Variants in NEURL1B observed in about 807,000 individuals in gnomAD.
NEURL1B encodes neuralized E3 ubiquitin protein ligase 1B, also known as E3 ubiquitin-protein ligase NEURL1B.
A neutral mutation model predicts 37.4 loss-of-function variants in NEURL1B; 13 were observed. The observed-to-expected ratio is 0.35, with a 90% CI of 0.23 to 0.55. The LOEUF (loss-of-function observed/expected upper bound fraction) is 0.55, where lower values mean the gene tolerates loss of function less well. NEURL1B is among the 20% of genes least tolerant of loss of function. The pLI is 0.89. For synonymous variants in NEURL1B, 432 were observed against 426.6 expected (o/e 1.01, Z -0.16); for missense variants, 790 against 879.2 (o/e 0.90, Z 1.28).
intron 2 of NEURL1B, among the ~76,000 whole-genome samples, chr5:172,678,774 C>T (rs767124700): frequency 6.6e-6 from 1 of 152,212 alleles, no homozygotes; most frequent in Non-Finnish European, 1.5e-5. Flanking sequence ...GTACATGGCC[C>T]GAGTCAGTCC....
Position 172,665,757 on chromosome 5 carries a change from C to T in NEURL1B, c.32-4028C>T, listed in dbSNP as rs1434789189. Among the ~76,000 whole-genome samples, 3 of 151,722 alleles carry T rather than the reference C, an allele frequency of 2.0e-5. No homozygotes were observed. Among genetic ancestry groups the T allele is most frequent in the African/African-American group, 7.3e-5 (3 of 41,262 alleles). ...TTCCCCTCTGCTCCCTCTCCTCCCT[C>T]GAGACCTGGCTCAGTGGGCATCCCA... On this transcript the variant is annotated intron_variant, in intron 1 of 4. Coordinates refer to ENST00000369800, the MANE Select transcript of NEURL1B (RefSeq NM_001142651.3). This position sits in a 1 kb window ranked among gnomAD's most constrained non-coding sequence, Gnocchi z 4.1.
intron 1 of NEURL1B, among the ~76,000 whole-genome samples, chr5:172,642,890 G>T (rs1190282552): frequency 5.3e-5 from 8 of 152,244 alleles, no homozygotes; most frequent in Admixed American, 4.6e-4. Context: ...ATCTGGGGAT[G>T]TTGGCAAATA....
At chr5:172,685,099 T>C (rs960933263) in intron 3 of NEURL1B, among the ~76,000 whole-genome samples, 1 of 152,260 alleles carries the variant, frequency 6.6e-6, no homozygotes, top group Non-Finnish European at 1.5e-5. Context: ...TTGAAGATGC[T>C]GGACAAATCA....
intron 1 of NEURL1B, among the ~76,000 whole-genome samples, chr5:172,643,558 G>A (rs1284216950): frequency 6.6e-6 from 1 of 152,174 alleles, no homozygotes; most frequent in African/African-American, 2.4e-5. Context: ...GTCACTGCCT[G>A]TCTCTGTGAC....
intron 2 of NEURL1B, among the ~76,000 whole-genome samples, chr5:172,680,182 C>A (rs1758321206): frequency 6.6e-6 from 1 of 152,184 alleles, no homozygotes; most frequent in Non-Finnish European, 1.5e-5. Flanking sequence ...CTCTTCATGA[C>A]AGTAATTTCC....
chr5:172,679,514 A>G (rs1464873783), intron 2 of NEURL1B, among the ~76,000 whole-genome samples: 2 of 152,218 alleles, frequency 1.3e-5, no homozygotes, highest in Non-Finnish European at 2.9e-5. Context: ...CTTAGAAGAA[A>G]TGCCCCTTTG....
intron 1 of NEURL1B, among the ~76,000 whole-genome samples, chr5:172,660,899 G>A (rs765244697): frequency 9.9e-5 from 15 of 152,204 alleles, no homozygotes; most frequent in Non-Finnish European, 1.5e-4. Flanking sequence ...ACAAAGTGCC[G>A]AGATTACAGG....
At position 172,647,246 on chromosome 5, in the gene NEURL1B, G is replaced by A. The variant is rs1382216802; in HGVS notation, c.31+5809G>A. The stretch of plus-strand genomic sequence containing the variant: ...GTGTGGTTAGAGCTTAGAGCAGAGA[G>A]GGAAGAGGGAGGGCGCCAGGTCGCA... On this transcript the variant is annotated intron_variant, in intron 1 of 4. Coordinates refer to ENST00000369800, the MANE Select transcript of NEURL1B (RefSeq NM_001142651.3). The surrounding 1 kb of genome is among the most constrained non-coding windows in gnomAD (Gnocchi z 4.2). 6.6e-6 allele frequency among the ~76,000 whole-genome samples: 1 copy of A among 152,148 alleles called. No homozygotes were observed. Among genetic ancestry groups the A allele is most frequent in the Non-Finnish European group, 1.5e-5 (1 of 68,012 alleles).
Position 172,687,085 on chromosome 5 carries a change from C to A in NEURL1B, c.*160C>A. On this transcript the variant is annotated 3_prime_UTR_variant, in exon 5 of 5. Transcript: ENST00000369800. The stretch of plus-strand genomic sequence containing the variant: ...TGGAGCGAGGCCCACAGGGCCTCAG[C>A]CCAGGCAGGGGTTGCTTCTGGCTCC... 1 of 860,040 alleles carries A rather than the reference C, an allele frequency of 1.2e-6. No homozygotes were observed. The highest frequency in any genetic ancestry group is 1.7e-6 in the Non-Finnish European group (1 of 577,532). The allele number at this position is 860,040 out of a possible 1,614,324, so 53.3% of individuals were successfully genotyped here. A position where few individuals can be genotyped will look rare whatever the true frequency, so the allele number is the denominator to read the frequency against.
intron 1 of NEURL1B, among the ~76,000 whole-genome samples, chr5:172,669,454 AT>A (rs2113303427): frequency 6.6e-6 from 1 of 151,988 alleles, no homozygotes; most frequent in South Asian, 2.1e-4. Context: ...GAGGGATTTG[AT>A]GGGGATGGAG....
At position 172,651,188 on chromosome 5, in the gene NEURL1B, A is replaced by G. The variant is rs1431519118; in HGVS notation, c.31+9751A>G. On this transcript the variant is annotated intron_variant, in intron 1 of 4. Coordinates refer to ENST00000369800, the MANE Select transcript of NEURL1B (RefSeq NM_001142651.3). ...GTATTTCCTTACAGCTTTCTTTTCA[A>G]ACTTTTTTTAACATGTCTTGGCTTA... Among the ~76,000 whole-genome samples, 8 of 152,218 alleles carry G rather than the reference A, an allele frequency of 5.3e-5. No homozygotes were observed. In the East Asian group the frequency reaches 1.5e-3, roughly 29 times the overall value.
intron 2 of NEURL1B, among the ~76,000 whole-genome samples, chr5:172,679,393 G>A (rs1467209284): frequency 6.6e-6 from 1 of 152,276 alleles, no homozygotes; most frequent in Non-Finnish European, 1.5e-5. Context: ...GCTCGAGAAC[G>A]TGGTTATGTG....
At chr5:172,671,748 G>A (rs1219135179) in intron 2 of NEURL1B, among the ~76,000 whole-genome samples, 1 of 152,234 alleles carries the variant, frequency 6.6e-6, no homozygotes, top group Non-Finnish European at 1.5e-5. Context: ...CATTTTGTGG[G>A]AAAACCCTGG....
chr5:172,655,931 A>G (rs1757768250), intron 1 of NEURL1B, among the ~76,000 whole-genome samples: 1 of 152,198 alleles, frequency 6.6e-6, no homozygotes, highest in African/African-American at 2.4e-5. Context: ...CAAAAGGAAT[A>G]GCACTCAAAT....
intron 2 of NEURL1B, among the ~76,000 whole-genome samples, chr5:172,677,266 G>C (rs965492238): frequency 6.6e-6 from 1 of 152,200 alleles, no homozygotes; most frequent in Non-Finnish European, 1.5e-5. Flanking sequence ...GCATGGCAGG[G>C]TGTCCTGAAG....
At chr5:172,645,816 C>G (rs1163214786) in intron 1 of NEURL1B, among the ~76,000 whole-genome samples, 2 of 152,160 alleles carry the variant, frequency 1.3e-5, no homozygotes, top group Non-Finnish European at 2.9e-5. Flanking sequence ...TTGGTCACAT[C>G]ACTAAAGAGC....
chr5:172,684,391 G>T (rs1758441545), intron 3 of NEURL1B, among the ~76,000 whole-genome samples: 1 of 152,080 alleles, frequency 6.6e-6, no homozygotes, highest in South Asian at 2.1e-4. Flanking sequence ...AGTGCCCGGA[G>T]ATGCTGACGT....
rs1758403150 is a variant in NEURL1B, at chr5:172,683,390, C to G, written c.578-29C>G. ...ACCAGCCTGACGCGCGGCCTCTCCC[C>G]CTCCATGTCCCTCCCTTTGTCCGCA... On this transcript the variant is annotated intron_variant, in intron 2 of 4. Transcript: ENST00000369800. This position sits in a 1 kb window ranked among gnomAD's most constrained non-coding sequence, Gnocchi z 5.6. 2 of 1,292,166 alleles carry G rather than the reference C, an allele frequency of 1.5e-6. No individual in the cohort carries two copies. The highest frequency in any genetic ancestry group is 2.5e-4 in the Middle Eastern group (1 of 3,998). 80.0% of individuals were successfully genotyped at this position (1,292,166 alleles called of 1,614,324 possible). A position where few individuals can be genotyped will look rare whatever the true frequency, so the allele number is the denominator to read the frequency against.
rs1335409637 is a variant in NEURL1B at position 172,661,090 on chromosome 5, C to T, written c.32-8695C>T. 6.6e-6 allele frequency among the ~76,000 whole-genome samples: 1 copy of T among 152,224 alleles called. No homozygotes were observed. The highest frequency in any genetic ancestry group is 1.5e-5 in the Non-Finnish European group (1 of 68,038). ...TCTCTAGAGCACAGCCTGCCCCCCT[C>T]ACCCCAACACACATGAGCACCATGT... On this transcript the variant is annotated intron_variant, in intron 1 of 4. Transcript: ENST00000369800. This position sits in a 1 kb window ranked among gnomAD's most constrained non-coding sequence, Gnocchi z 4.0.
Sources: gnomAD v4.1 joint callset for allele counts (sites outside exome capture counted in the v4.1 genomes callset) on GRCh38, gnomAD v4.1.1 for gene constraint, Gnocchi (gnomAD v3.1) non-coding constraint, MANE v1.5 for transcripts, NCBI Gene and HGNC (gene_info 2026-07-23, HGNC 2026-07-21) for gene names.